Variants in NRG3 observed in about 807,000 individuals in gnomAD.
NRG3 encodes neuregulin 3.
In NRG3, 31 loss-of-function variants were observed where a neutral mutation model predicts 66.9. The ratio of observed to expected loss-of-function variants is 0.46; its 90% CI spans 0.35 to 0.63. NRG3 has a LOEUF of 0.63. Among genes scored for constraint, NRG3 ranks in the 20% least tolerant of loss-of-function variants. The pLI is 0.00. For synonymous variants in NRG3, 393 were observed against 359.4 expected, an observed-to-expected ratio of 1.09 and a Z score of -1.06; for missense variants, 910 against 878.9, an observed-to-expected ratio of 1.04 and a Z score of -0.45.
intron 2 of NRG3, among the ~76,000 whole-genome samples, chr10:82,379,652 G>GGGGAAGAA: frequency 6.6e-6 from 1 of 152,152 alleles, no homozygotes; most frequent in East Asian, 1.9e-4. Flanking sequence ...TGTAGAATTT[G>GGGGAAGAA]GGGAAGAAGG....
At chr10:82,044,896 T>C (rs2063206767) in intron 1 of NRG3, among the ~76,000 whole-genome samples, 1 of 151,916 alleles carries the variant, frequency 6.6e-6, no homozygotes, top group Admixed American at 6.6e-5. Context: ...GGATATGAAC[T>C]CATCATTTTT....
chr10:82,808,677 A>G (rs2061380255), intron 3 of NRG3, among the ~76,000 whole-genome samples: 1 of 152,214 alleles, frequency 6.6e-6, no homozygotes, highest in East Asian at 1.9e-4. Flanking sequence ...TAATAGAATT[A>G]CCCATGCTTC....
intron 1 of NRG3, among the ~76,000 whole-genome samples, chr10:82,075,964 A>C (rs1011831661): frequency 1.3e-4 from 19 of 151,876 alleles, no homozygotes; most frequent in African/African-American, 4.6e-4. Flanking sequence ...TAAAAAAAAA[A>C]ACGATCATTT....
chr10:82,793,730 T>C (rs1446923508), intron 3 of NRG3, among the ~76,000 whole-genome samples: 1 of 152,148 alleles, frequency 6.6e-6, no homozygotes, highest in African/African-American at 2.4e-5. Context: ...CTGAGATAGA[T>C]GAGATTGTCT....
intron 1 of NRG3, among the ~76,000 whole-genome samples, chr10:81,891,444 T>C (rs891980420): frequency 2.0e-5 from 3 of 152,124 alleles, no homozygotes; most frequent in Admixed American, 6.5e-5. Context: ...TGTTACCTCA[T>C]CTCCATATGC....
intron 1 of NRG3, among the ~76,000 whole-genome samples, chr10:82,016,594 C>G (rs1272356974): frequency 6.6e-6 from 1 of 151,992 alleles, no homozygotes; most frequent in Non-Finnish European, 1.5e-5. Flanking sequence ...GTCACATGAT[C>G]AAATTTATGT....
rs2071029521 is a variant in NRG3 at position 82,154,420 on chromosome 10, C to T, written c.824-204319C>T. On this transcript the variant is annotated intron_variant, in intron 1 of 8. Transcript: ENST00000372141. The stretch of plus-strand genomic sequence containing the variant: ...TATTTCAGGGCTCTCTGTTCTGTTC[C>T]ATTGGATTATATTTCTCTTTTTATG... Among the ~76,000 whole-genome samples the T allele has an allele frequency of 2.0e-5, 3 of 151,924 alleles. No individual in the cohort carries two copies. In the South Asian group the frequency reaches 6.2e-4, roughly 32 times the overall value.
intron 4 of NRG3, among the ~76,000 whole-genome samples, chr10:82,886,782 A>G (rs1256105555): frequency 1.3e-5 from 2 of 152,210 alleles, no homozygotes; most frequent in Non-Finnish European, 2.9e-5. Context: ...TTTCTTAGCT[A>G]TCTGCTACTA....
At chr10:82,421,452 T>C (rs117619883) in intron 2 of NRG3, among the ~76,000 whole-genome samples, 1 of 151,994 alleles carries the variant, frequency 6.6e-6, no homozygotes, top group Non-Finnish European at 1.5e-5. Context: ...ACTCTTAGCA[T>C]GACACATGGA....
intron 2 of NRG3, among the ~76,000 whole-genome samples, chr10:82,488,240 T>C (rs1420280099): frequency 6.6e-6 from 1 of 152,154 alleles, no homozygotes; most frequent in Non-Finnish European, 1.5e-5. Context: ...TATACCTGCC[T>C]GGTATGCTAA....
intron 3 of NRG3, among the ~76,000 whole-genome samples, chr10:82,742,629 A>C (rs1031394978): frequency 2.0e-5 from 3 of 152,124 alleles, no homozygotes; most frequent in African/African-American, 7.2e-5. Context: ...CTTTGGTCAG[A>C]GTCAAGAGGA....
intron 1 of NRG3, among the ~76,000 whole-genome samples, chr10:82,099,723 C>A (rs1564561756): frequency 6.6e-6 from 1 of 152,200 alleles, no homozygotes; most frequent in East Asian, 1.9e-4. Flanking sequence ...CTAATATCAA[C>A]ACTTTGGGAG....
At chr10:82,489,834 A>T (rs1564982957) in intron 2 of NRG3, among the ~76,000 whole-genome samples, 1 of 152,214 alleles carries the variant, frequency 6.6e-6, no homozygotes, top group Non-Finnish European at 1.5e-5. Flanking sequence ...GACTTAAAAA[A>T]AAGTTTTTGG....
intron 1 of NRG3, among the ~76,000 whole-genome samples, chr10:82,030,277 G>C (rs926390504): frequency 1.2e-4 from 19 of 152,058 alleles, no homozygotes; most frequent in African/African-American, 4.6e-4. Context: ...ATCTTTGCTT[G>C]TCTCCTTAAT....
rs751623257 is a variant in NRG3, at chr10:81,875,503, A to G, written c.163A>G (p.Ser55Gly). ...CGAGCCCCCCCGGGAGTTACGCTGT[A>G]GCGACTGCATCGTGTGGAACCGGCA... ...AAEPPRELRC[S>G]DCIVWNRQQT... The change falls in exon 1 of 9, where the codon AGC becomes GGC. Residue 55 changes from serine to glycine, a missense_variant. By Grantham distance (56) the Ser-to-Gly change is moderately conservative. Coordinates refer to ENST00000372141, the MANE Select transcript of NRG3 (RefSeq NM_001010848.4). This position sits in a 1 kb window ranked among gnomAD's most constrained non-coding sequence, Gnocchi z 5.3. 4.6e-5 allele frequency: 74 copies of G among 1,600,434 alleles called. No homozygotes were observed. Among genetic ancestry groups the G allele is most frequent in the Non-Finnish European group, 6.2e-5 (73 of 1,172,928 alleles).
At chr10:82,782,155 T>A (rs2060142888) in intron 3 of NRG3, among the ~76,000 whole-genome samples, 1 of 152,184 alleles carries the variant, frequency 6.6e-6, no homozygotes, top group African/African-American at 2.4e-5. Flanking sequence ...GTTGGTAACT[T>A]AATCCTTAAT....
intron 1 of NRG3, among the ~76,000 whole-genome samples, chr10:81,913,076 C>A (rs983968337): frequency 5.5e-5 from 6 of 109,218 alleles, no homozygotes; most frequent in Non-Finnish European, 9.5e-5. Context: ...TCTGAAGGGA[C>A]CATTGGGGAA....
At chr10:82,752,774 G>A (rs1349513841) in intron 3 of NRG3, among the ~76,000 whole-genome samples, 3 of 152,156 alleles carry the variant, frequency 2.0e-5, no homozygotes, top group African/African-American at 4.8e-5. Context: ...ACCATGTGAG[G>A]ACACAGCAAG....
At position 82,877,628 on chromosome 10, in the gene NRG3, A is replaced by G. The variant is rs564081393; in HGVS notation, c.1054+12191A>G. On this transcript the variant is annotated intron_variant, in intron 4 of 8. Transcript: ENST00000372141. ...GGTCTTGAACTCCTGACCTCAGGTGATCCACGTGCCTCAGCCTCCCAAAGT... is the reference window on the plus strand; with the variant it reads ...GGTCTTGAACTCCTGACCTCAGGTGGTCCACGTGCCTCAGCCTCCCAAAGT... 2.6e-3 allele frequency among the ~76,000 whole-genome samples: 376 copies of G among 144,470 alleles called. 2 individuals are homozygous for G. The highest frequency in any genetic ancestry group is 9.0e-3 in the African/African-American group (346 of 38,464). 94.8% of individuals were successfully genotyped at this position (144,470 alleles called of 152,430 possible). A position where few individuals can be genotyped will look rare whatever the true frequency, so the allele number is the denominator to read the frequency against.
Sources: gnomAD v4.1 joint callset for allele counts (sites outside exome capture counted in the v4.1 genomes callset) on GRCh38, gnomAD v4.1.1 for gene constraint, Gnocchi (gnomAD v3.1) non-coding constraint, MANE v1.5 for transcripts, NCBI Gene and HGNC (gene_info 2026-07-23, HGNC 2026-07-21) for gene names.